GPM6B: variants seen among roughly 807,000 people sequenced by gnomAD.
The protein encoded by GPM6B is glycoprotein M6B, also known as neuronal membrane glycoprotein M6-b.
A neutral mutation model predicts 27.2 loss-of-function variants in GPM6B; 4 were observed. The observed-to-expected ratio is 0.15, with a 90% CI of 0.07 to 0.34. The LOEUF is 0.34. Ranked by LOEUF, GPM6B falls within the 10% of genes least tolerant of loss-of-function variation. GPM6B has a pLI of 1.00. For synonymous variants in GPM6B, 124 were observed against 103.1 expected (o/e 1.20, Z -1.23); for missense variants, 183 against 261.9 (o/e 0.70, Z 2.08).
At chrX:13,822,399 G>T (rs753988480) in intron 1 of GPM6B, among the ~76,000 whole-genome samples, 8 of 107,630 alleles carry the variant, frequency 7.4e-5, no homozygotes, top group East Asian at 5.8e-4. Flanking sequence ...GGAGTCTCGC[G>T]CTGTTGCCCA....
intron 1 of GPM6B, among the ~76,000 whole-genome samples, chrX:13,872,099 T>A (rs2049984136): frequency 9.1e-6 from 1 of 110,426 alleles, no homozygotes; most frequent in Admixed American, 9.7e-5. Context: ...TTGCATTTTG[T>A]ATGCCTGAGA....
chrX:13,912,921 C>G (rs990377677), intron 1 of GPM6B, among the ~76,000 whole-genome samples: 1 of 112,431 alleles, frequency 8.9e-6, no homozygotes, highest in Non-Finnish European at 1.9e-5. Context: ...GAAAACTCCA[C>G]TTGACATCTG....
In GPM6B at chrX:13,795,026, T is replaced by C. The variant is rs147329984; in HGVS notation, c.182-9218A>G. On this transcript the variant is annotated intron_variant, in intron 2 of 7. Transcript: ENST00000316715. ...TTGTCACTTCAAAGAAAACAACTGATAGTATCTGTTGCCAATCAATTTTGG... is the reference window on the plus strand; with the variant it reads ...TTGTCACTTCAAAGAAAACAACTGACAGTATCTGTTGCCAATCAATTTTGG... Among the ~76,000 whole-genome samples the C allele has an allele frequency of 3.2e-3, 361 of 112,478 alleles. 2 individuals are homozygous for C. The highest frequency in any genetic ancestry group is 5.5e-3 in the Non-Finnish European group (294 of 53,302).
At chrX:13,864,235 T>A (rs901197511) in intron 1 of GPM6B, among the ~76,000 whole-genome samples, 1 of 112,877 alleles carries the variant, frequency 8.9e-6, no homozygotes, top group African/African-American at 3.2e-5. Flanking sequence ...TGCAGAATAA[T>A]GTAAATAAAT....
chrX:13,777,688 GAGGGTTC>G (rs1178279860), intron 5 of GPM6B, among the ~76,000 whole-genome samples: 2 of 112,625 alleles, frequency 1.8e-5, no homozygotes, highest in East Asian at 5.5e-4. Context: ...TTTATTCAGT[GAGGGTTC>G]ACATTTGGAA....
At chrX:13,898,176 G>A (rs1235212271) in intron 1 of GPM6B, among the ~76,000 whole-genome samples, 1 of 110,846 alleles carries the variant, frequency 9.0e-6, no homozygotes, top group Non-Finnish European at 1.9e-5. Flanking sequence ...GGATATTCTG[G>A]GCCAGATAAT....
intron 1 of GPM6B, among the ~76,000 whole-genome samples, chrX:13,928,959 T>C: frequency 9.0e-6 from 1 of 111,690 alleles, no homozygotes; most frequent in East Asian, 2.8e-4. Context: ...AGAAAACGGA[T>C]CTCTAAACAA....
intron 1 of GPM6B, among the ~76,000 whole-genome samples, chrX:13,931,217 C>G (rs5978669): frequency 0.072 from 6,749 of 93,519 alleles, 463 homozygotes; most frequent in African/African-American, 0.24. Flanking sequence ...AACAACAAAT[C>G]CCACTTTTAA....
At chrX:13,846,459 C>T (rs2049646836) in intron 1 of GPM6B, among the ~76,000 whole-genome samples, 1 of 111,594 alleles carries the variant, frequency 9.0e-6, no homozygotes, top group South Asian at 3.7e-4. Flanking sequence ...AGAGCAAATA[C>T]GCATCTCTCC....
chrX:13,780,713 A>G lies in GPM6B; in HGVS notation c.526-724T>C, dbSNP rs184018432. ...CACACACTGTCATGGGCAATCCAGG[A>G]AGAATAGAATCCCGTTGCTTGGCTT... On this transcript the variant is annotated intron_variant, in intron 4 of 7. Transcript: ENST00000316715. Among the ~76,000 whole-genome samples the G allele has an allele frequency of 6.1e-4, 69 of 112,211 alleles. No homozygotes were observed. In the Middle Eastern group the frequency reaches 0.018, roughly 30 times the overall value.
intron 6 of GPM6B, 52 bp from the exon 7 acceptor site, chrX:13,776,355 C>G: frequency 1.0e-6 from 1 of 987,966 alleles, no homozygotes; most frequent in Non-Finnish European, 1.4e-6. Context: ...ATGAAATGGC[C>G]TACACTCATT....
intron 1 of GPM6B, among the ~76,000 whole-genome samples, chrX:13,922,524 C>T (rs946649891): frequency 1.8e-5 from 2 of 112,163 alleles, no homozygotes; most frequent in African/African-American, 6.5e-5. Flanking sequence ...GACTGCCAGG[C>T]GGAAAGCCCA....
Position 13,840,863 on chromosome X carries a change from T to C in GPM6B, c.-197-55055A>G, listed in dbSNP as rs188636595. Among the ~76,000 whole-genome samples, 358 of 112,137 alleles carry C rather than the reference T, an allele frequency of 3.2e-3. 2 individuals are homozygous for C. The highest frequency in any genetic ancestry group is 0.011 in the African/African-American group (347 of 30,805). ...ATATACACATTTACATATATGCACATATACACACGTATGAAGGGAAGCACA... is the reference window on the plus strand; with the variant it reads ...ATATACACATTTACATATATGCACACATACACACGTATGAAGGGAAGCACA... On this transcript the variant is annotated intron_variant, in intron 1 of 6. Transcript: ENST00000398361.
At chrX:13,836,954 CAAG>C (rs920819327) in intron 1 of GPM6B, among the ~76,000 whole-genome samples, 4 of 112,424 alleles carry the variant, frequency 3.6e-5, no homozygotes, top group Non-Finnish European at 7.5e-5. Context: ...CCACTCAGAG[CAAG>C]AAGGAAAACA....
chrX:13,778,341 C>G (rs1331052994), intron 5 of GPM6B, among the ~76,000 whole-genome samples: 1 of 112,114 alleles, frequency 8.9e-6, no homozygotes, highest in Non-Finnish European at 1.9e-5. Flanking sequence ...AGCCATCGTG[C>G]GTGGCCGGAA....
chrX:13,904,584 T>A (rs997567519), intron 1 of GPM6B, among the ~76,000 whole-genome samples: 3 of 111,448 alleles, frequency 2.7e-5, no homozygotes, highest in Non-Finnish European at 3.8e-5. Flanking sequence ...CCCATTCACT[T>A]CCGTATCATC....
At chrX:13,895,547 C>CTGTA (rs1443076020) in intron 1 of GPM6B, among the ~76,000 whole-genome samples, 4 of 111,521 alleles carry the variant, frequency 3.6e-5, no homozygotes, top group Non-Finnish European at 5.6e-5. Context: ...ATTTTCCTGA[C>CTGTA]TGTATACTAA....
Position 13,843,567 on chromosome X carries a change from T to C in GPM6B, c.-197-57759A>G, listed in dbSNP as rs1008744172. ...CCATTTTACGTTCCCACTAGTAGCA[T>C]GTGAGGGTTTCAGTTTCTCCACATC... On this transcript the variant is annotated intron_variant, in intron 1 of 6. Coordinates refer to the GPM6B transcript ENST00000398361. Among the ~76,000 whole-genome samples the C allele has an allele frequency of 8.0e-5, 9 of 112,436 alleles. No individual in the cohort carries two copies. The South Asian group carries it at 1.1e-3, about 14-fold the overall frequency.
At chrX:13,935,624 C>A (rs777706390) in intron 1 of GPM6B, among the ~76,000 whole-genome samples, 1 of 111,707 alleles carries the variant, frequency 9.0e-6, no homozygotes, top group East Asian at 2.8e-4. Flanking sequence ...CCACAAATGC[C>A]TTATAAGAGG....
Sources: allele counts gnomAD v4.1 joint callset (sites outside exome capture counted in the v4.1 genomes callset), GRCh38; gene constraint gnomAD v4.1.1; transcripts MANE v1.5; gene names NCBI Gene and HGNC (gene_info 2026-07-23, HGNC 2026-07-21).